Variants in TRPS1 observed in about 807,000 individuals in gnomAD.
The protein encoded by TRPS1 is zinc finger transcription factor Trps1.
Under a neutral mutation model 101.2 loss-of-function variants are expected in TRPS1, and 6 were observed. That is an observed-to-expected ratio of 0.06 (90% confidence interval 0.03 to 0.12). TRPS1 has a LOEUF of 0.12. TRPS1 is among the 10% of genes least tolerant of loss of function. The pLI is 1.00. For synonymous variants in TRPS1, 578 were observed against 589.8 expected (o/e 0.98, Z 0.29); for missense variants, 1,363 against 1,567.0 (o/e 0.87, Z 2.20).
intron 5 of TRPS1, among the ~76,000 whole-genome samples, chr8:115,471,162 G>A (rs187816598): frequency 6.6e-6 from 1 of 152,254 alleles, no homozygotes; most frequent in Non-Finnish European, 1.5e-5. Flanking sequence ...TATTGTATTA[G>A]TCCATTCTTG....
intron 3 of TRPS1, among the ~76,000 whole-genome samples, 181 bp downstream of exon 3, chr8:115,618,951 T>C (rs1477551882): frequency 1.3e-5 from 2 of 152,158 alleles, no homozygotes; most frequent in Non-Finnish European, 2.9e-5. Context: ...AGGCTAAAAG[T>C]TGTCTTTAGA....
intron 5 of TRPS1, among the ~76,000 whole-genome samples, chr8:115,437,372 G>A (rs1179553776): frequency 1.3e-5 from 2 of 152,202 alleles, no homozygotes; most frequent in Non-Finnish European, 2.9e-5. Flanking sequence ...TACAGGATAT[G>A]CTGGAAGGTT....
chr8:115,422,998 C>G (rs748374906), intron 5 of TRPS1, among the ~76,000 whole-genome samples: 1 of 152,136 alleles, frequency 6.6e-6, no homozygotes, highest in Non-Finnish European at 1.5e-5. Flanking sequence ...TCCTCTCAGA[C>G]TGAGGGAAGA....
intron 5 of TRPS1, among the ~76,000 whole-genome samples, chr8:115,575,711 A>C (rs751786424): frequency 1.3e-5 from 2 of 152,048 alleles, no homozygotes; most frequent in Non-Finnish European, 2.9e-5. Flanking sequence ...GATCACCCAT[A>C]CTTCAAATAA....
chr8:115,452,264 A>G (rs2129932068), intron 5 of TRPS1, among the ~76,000 whole-genome samples: 1 of 152,298 alleles, frequency 6.6e-6, no homozygotes, highest in South Asian at 2.1e-4. Context: ...GAAGTCGAAC[A>G]ATGTTATGAC....
At chr8:115,463,649 G>T (rs1814245598) in intron 5 of TRPS1, among the ~76,000 whole-genome samples, 1 of 151,928 alleles carries the variant, frequency 6.6e-6, no homozygotes, top group Admixed American at 6.6e-5. Flanking sequence ...AAAGGAGCAG[G>T]TTATTTCAAG....
intron 4 of TRPS1, among the ~76,000 whole-genome samples, chr8:115,599,973 C>G (rs1172588691): frequency 6.6e-6 from 1 of 152,132 alleles, no homozygotes; most frequent in Non-Finnish European, 1.5e-5. Context: ...TAAAAGTGTT[C>G]CTATTTCTCC....
At chr8:115,633,643 G>A (rs761636027) in intron 1 of TRPS1, among the ~76,000 whole-genome samples, 2 of 152,132 alleles carry the variant, frequency 1.3e-5, no homozygotes, top group African/African-American at 4.8e-5. Context: ...AAGGTAACCT[G>A]CTTACCCAAG....
At chr8:115,423,608 AAAACAAAC>A (rs752578012) in intron 5 of TRPS1, among the ~76,000 whole-genome samples, 1 of 152,182 alleles carries the variant, frequency 6.6e-6, no homozygotes, top group Non-Finnish European at 1.5e-5. Flanking sequence ...CTAAGTATTT[AAAACAAAC>A]AAACAAACAA....
chr8:115,473,130 C>T (rs1444314181), intron 5 of TRPS1, among the ~76,000 whole-genome samples: 2 of 152,140 alleles, frequency 1.3e-5, no homozygotes, highest in Non-Finnish European at 2.9e-5. Flanking sequence ...TACCAATTTA[C>T]TGTATTAGTC....
intron 4 of TRPS1, among the ~76,000 whole-genome samples, chr8:115,600,888 TG>T (rs1178077972): frequency 1.3e-5 from 2 of 152,092 alleles, no homozygotes; most frequent in African/African-American, 4.8e-5. Flanking sequence ...AAACCATTCA[TG>T]GGTGGAATAT....
intron 5 of TRPS1, among the ~76,000 whole-genome samples, chr8:115,438,181 A>C (rs372745251): frequency 1.3e-5 from 2 of 152,242 alleles, no homozygotes; most frequent in African/African-American, 4.8e-5. Context: ...CATCAAGGCC[A>C]TGGCACACTA....
intron 5 of TRPS1, among the ~76,000 whole-genome samples, chr8:115,500,812 A>G (rs1345480173): frequency 6.6e-6 from 1 of 151,964 alleles, no homozygotes; most frequent in Non-Finnish European, 1.5e-5. Flanking sequence ...TGACCTTGTA[A>G]TCTGCCCGCC....
At chr8:115,647,002 G>T (rs965611183) in intron 1 of TRPS1, among the ~76,000 whole-genome samples, 4 of 142,270 alleles carry the variant, frequency 2.8e-5, no homozygotes, top group African/African-American at 9.7e-5. Flanking sequence ...TCCTTATGTT[G>T]TTTTTTGTTT....
chr8:115,664,264 C>A (rs1307299729), intron 1 of TRPS1, among the ~76,000 whole-genome samples: 1 of 152,006 alleles, frequency 6.6e-6, no homozygotes, highest in Non-Finnish European at 1.5e-5. Flanking sequence ...CTAAAACAAA[C>A]CTCTACATAA....
intron 1 of TRPS1, among the ~76,000 whole-genome samples, chr8:115,660,819 A>T (rs1395247365): frequency 6.6e-6 from 1 of 151,974 alleles, no homozygotes; most frequent in Non-Finnish European, 1.5e-5. Context: ...ATTACCCTAG[A>T]TACCAAAGTT....
chr8:115,585,764 G>C (rs1289995856), intron 5 of TRPS1, among the ~76,000 whole-genome samples: 1 of 152,132 alleles, frequency 6.6e-6, no homozygotes, highest in African/African-American at 2.4e-5. Flanking sequence ...TTCCCTGCAG[G>C]AAGGATTCTT....
intron 1 of TRPS1, among the ~76,000 whole-genome samples, chr8:115,625,284 G>A (rs1235189229): frequency 3.3e-5 from 5 of 152,022 alleles, no homozygotes; most frequent in Non-Finnish European, 5.9e-5. Flanking sequence ...ACCTGCTCGT[G>A]TGATCAAGGG....
chr8:115,622,311 G>A (rs1173381042), intron 2 of TRPS1, among the ~76,000 whole-genome samples: 1 of 151,976 alleles, frequency 6.6e-6, no homozygotes, highest in African/African-American at 2.4e-5. Context: ...AAGAAGCCCT[G>A]GGAATGTGTG....
Sources: gnomAD v4.1 joint callset for allele counts (sites outside exome capture counted in the v4.1 genomes callset) on GRCh38, gnomAD v4.1.1 for gene constraint, MANE v1.5 for transcripts, NCBI Gene and HGNC (gene_info 2026-07-23, HGNC 2026-07-21) for gene names.